Variants in CDH6 observed in about 807,000 individuals in gnomAD.
CDH6 encodes cadherin-6.
A neutral mutation model predicts 78.0 loss-of-function variants in CDH6; 31 were observed. The observed-to-expected ratio is 0.40, with a 90% CI of 0.30 to 0.54. The LOEUF is 0.54. Ranked by LOEUF, CDH6 falls within the 20% of genes least tolerant of loss-of-function variation. The pLI, the probability that CDH6 is intolerant of heterozygous loss-of-function variation, is 0.56. For synonymous variants in CDH6, 376 were observed against 368.8 expected (o/e 1.02, Z -0.23); for missense variants, 724 against 975.9 (o/e 0.74, Z 3.44).
rs1323585221 is a variant in CDH6 at position 31,322,943 on chromosome 5, C to G, written c.2008C>G (p.Gln670Glu). 1 of 1,613,982 alleles carries G rather than the reference C, an allele frequency of 6.2e-7. No homozygotes were observed. The stretch of plus-strand genomic sequence containing the variant: ...CGAAGGTGGTGGAGAGGAGGACACC[C>G]AGGCTTTTGATATCGGCACCCTGAG... Reference protein sequence around the residue: ...NDEGGGEEDTQAFDIGTLRNP... With the variant: ...NDEGGGEEDTEAFDIGTLRNP... The change falls in exon 12 of 12, where the codon CAG (glutamine) becomes GAG (glutamate). Residue 670 changes from glutamine to glutamate, a missense_variant. By Grantham distance (29) the Gln-to-Glu change is conservative. This residue lies in a region of CDH6 where 220 missense variants were observed against 240.6 expected (regional missense o/e 0.91). Transcript: ENST00000265071.
chr5:31,318,281 T>G, intron 11 of CDH6: 4 of 523,314 alleles, frequency 7.6e-6, no homozygotes, highest in South Asian at 5.6e-5. Flanking sequence ...GTGTCTGGCA[T>G]GGAGTGTATG....
At chr5:31,310,251 C>A (rs535273031) in intron 7 of CDH6, among the ~76,000 whole-genome samples, 157 of 149,828 alleles carry the variant, frequency 1.0e-3, no homozygotes, top group Non-Finnish European at 1.6e-3. Context: ...TGAAATCCAG[C>A]AGCGCAGTCG....
chr5:31,255,573 C>T (rs1446739605), intron 1 of CDH6, among the ~76,000 whole-genome samples: 1 of 152,084 alleles, frequency 6.6e-6, no homozygotes, highest in African/African-American at 2.4e-5. Flanking sequence ...ATAAAACATC[C>T]AGCATCCCAT....
chr5:31,218,625 C>T (rs1373665887), intron 1 of CDH6, among the ~76,000 whole-genome samples: 2 of 152,110 alleles, frequency 1.3e-5, no homozygotes, highest in African/African-American at 4.8e-5. Context: ...ATCTCTTCTG[C>T]CCAAATATGT....
Position 31,194,670 on chromosome 5 carries a change from A to T in CDH6, c.-129+784A>T, listed in dbSNP as rs112435588. Among the ~76,000 whole-genome samples, 1,262 of 152,260 alleles carry T rather than the reference A, an allele frequency of 8.3e-3. 9 individuals are homozygous for T. The highest frequency in any genetic ancestry group is 0.013 in the Non-Finnish European group (876 of 68,014). On this transcript the variant is annotated intron_variant, in intron 1 of 11. Coordinates refer to ENST00000265071, the MANE Select transcript of CDH6 (RefSeq NM_004932.4). Reference sequence around the variant, plus strand: ...GCTCCTCCACGGCTGGCCAGGCTCAAATCTGGGGGATAAAGCCTTCCCCGG... The same window carrying T: ...GCTCCTCCACGGCTGGCCAGGCTCATATCTGGGGGATAAAGCCTTCCCCGG...
intron 1 of CDH6, among the ~76,000 whole-genome samples, chr5:31,196,425 C>G (rs1740169188): frequency 6.6e-6 from 1 of 152,158 alleles, no homozygotes; most frequent in Non-Finnish European, 1.5e-5. Flanking sequence ...TACAATCTTC[C>G]TAAGGAATTG....
At chr5:31,287,239 A>G (rs1743036523) in intron 2 of CDH6, among the ~76,000 whole-genome samples, 1 of 152,148 alleles carries the variant, frequency 6.6e-6, no homozygotes, top group South Asian at 2.1e-4. Flanking sequence ...GGCCTACAGG[A>G]TACCAGCATA....
At chr5:31,232,877 C>A (rs1199280790) in intron 1 of CDH6, among the ~76,000 whole-genome samples, 1 of 152,192 alleles carries the variant, frequency 6.6e-6, no homozygotes, top group African/African-American at 2.4e-5. Flanking sequence ...TAATTCATTT[C>A]ATCCTCACAA....
intron 5 of CDH6, among the ~76,000 whole-genome samples, chr5:31,300,603 T>C (rs772746770): frequency 1.3e-5 from 2 of 152,142 alleles, no homozygotes; most frequent in Non-Finnish European, 2.9e-5. Flanking sequence ...AAATGAAAAC[T>C]ATTAGGATCA....
chr5:31,264,988 T>A (rs955610819), intron 1 of CDH6, among the ~76,000 whole-genome samples: 1 of 152,198 alleles, frequency 6.6e-6, no homozygotes, highest in African/African-American at 2.4e-5. Context: ...AGTCTGCCTT[T>A]TAAACAGCTG....
chr5:31,265,424 T>C (rs1047459738), intron 1 of CDH6, among the ~76,000 whole-genome samples: 1 of 152,190 alleles, frequency 6.6e-6, no homozygotes, highest in African/African-American at 2.4e-5. Flanking sequence ...AGAAGATGCA[T>C]AATAATGGAA....
At chr5:31,203,979 T>TA (rs1435388780) in intron 1 of CDH6, among the ~76,000 whole-genome samples, 4 of 152,156 alleles carry the variant, frequency 2.6e-5, no homozygotes, top group African/African-American at 4.8e-5. Flanking sequence ...TGGAGTCACT[T>TA]ACGAGTTAAT....
intron 2 of CDH6, among the ~76,000 whole-genome samples, chr5:31,291,605 C>T (rs181443384): frequency 6.6e-6 from 1 of 152,282 alleles, no homozygotes; most frequent in African/African-American, 2.4e-5. Flanking sequence ...TAGGAACGTG[C>T]CCCCCGCACT....
intron 1 of CDH6, among the ~76,000 whole-genome samples, chr5:31,248,021 C>T (rs1251758595): frequency 6.6e-6 from 1 of 152,088 alleles, no homozygotes; most frequent in African/African-American, 2.4e-5. Context: ...AACTAAAAAC[C>T]TGTCTTATGT....
chr5:31,319,740 A>G (rs1294455196), intron 11 of CDH6, among the ~76,000 whole-genome samples: 1 of 152,228 alleles, frequency 6.6e-6, no homozygotes, highest in African/African-American at 2.4e-5. Flanking sequence ...ATAGGAAGAA[A>G]TCTGGAGTCC....
chr5:31,208,483 C>T (rs1002399291), intron 1 of CDH6, among the ~76,000 whole-genome samples: 7 of 152,174 alleles, frequency 4.6e-5, no homozygotes, highest in Admixed American at 2.0e-4. Context: ...AATAGGGTTA[C>T]AGATTCTATA....
At chr5:31,203,246 A>T (rs67413849) in intron 1 of CDH6, among the ~76,000 whole-genome samples, 7,604 of 61,174 alleles carry the variant, frequency 0.12, 257 homozygotes, top group African/African-American at 0.21. Context: ...TTTTTTTTTT[A>T]TTTATTTTTT....
intron 1 of CDH6, among the ~76,000 whole-genome samples, chr5:31,246,630 T>C (rs1443419068): frequency 6.6e-6 from 1 of 152,224 alleles, no homozygotes; most frequent in Non-Finnish European, 1.5e-5. Flanking sequence ...TTACAAACTT[T>C]GAGGGGCAAA....
rs78338682 is a variant in CDH6, at chr5:31,296,594, G to A, written c.524-695G>A. Among the ~76,000 whole-genome samples the A allele has an allele frequency of 2.7e-3, 408 of 152,156 alleles. 2 individuals are homozygous for A. The highest frequency in any genetic ancestry group is 9.5e-3 in the African/African-American group (393 of 41,514). On this transcript the variant is annotated intron_variant, in intron 3 of 11. Coordinates refer to ENST00000265071, the MANE Select transcript of CDH6 (RefSeq NM_004932.4). ...CTTTAAGTTTCAAGGTCTTTCAACC[G>A]TTTAGAACTATCAGATAGATTTATC...
Sources: gnomAD v4.1 joint callset for allele counts (sites outside exome capture counted in the v4.1 genomes callset) on GRCh38, gnomAD v4.1.1 for gene constraint, gnomAD v4.1.1 regional missense constraint, MANE v1.5 for transcripts, NCBI Gene and HGNC (gene_info 2026-07-23, HGNC 2026-07-21) for gene names.